AFG2A: variants seen among roughly 807,000 people sequenced by gnomAD.
The protein encoded by AFG2A is AAA ATPase AFG2A.
the AFG2A span, among the ~76,000 whole-genome samples, chr4:123,206,754 T>C: frequency 1.3e-5 from 2 of 152,210 alleles, no homozygotes; most frequent in Non-Finnish European, 2.9e-5. Flanking sequence ...TGAGATACAA[T>C]TTATAAATTC....
chr4:123,310,437 C>T, the AFG2A span, among the ~76,000 whole-genome samples: 1 of 152,222 alleles, frequency 6.6e-6, no homozygotes, highest in Non-Finnish European at 1.5e-5. Context: ...CTTCTCTACT[C>T]ATTTTATTCC....
chr4:123,082,619 C>T, the AFG2A span, among the ~76,000 whole-genome samples: 7 of 146,912 alleles, frequency 4.8e-5, no homozygotes, highest in Admixed American at 1.4e-4. Context: ...CAACTTTGTT[C>T]TTTTCCTTCA....
At chr4:123,095,051 A>ATATATATATG in the AFG2A span, among the ~76,000 whole-genome samples, 1,165 of 54,544 alleles carry the variant, frequency 0.021, 22 homozygotes, top group African/African-American at 0.047. Context: ...AAATATATAT[A>ATATATATATG]TATATATATA....
At chr4:123,180,755 C>T in the AFG2A span, among the ~76,000 whole-genome samples, 1 of 152,100 alleles carries the variant, frequency 6.6e-6, no homozygotes, top group Non-Finnish European at 1.5e-5. Context: ...TTTAACTAAA[C>T]TTTAAAATTA....
the AFG2A span, chr4:122,934,737 T>C: frequency 4.5e-6 from 7 of 1,553,644 alleles, no homozygotes; most frequent in East Asian, 2.2e-5. Flanking sequence ...TCAAGAGTTA[T>C]GGTATGATGT....
the AFG2A span, chr4:123,256,710 G>A: frequency 2.0e-6 from 2 of 985,222 alleles, no homozygotes; most frequent in Non-Finnish European, 1.2e-6. Flanking sequence ...CACAGTAAAA[G>A]GGACCATCTG....
the AFG2A span, among the ~76,000 whole-genome samples, chr4:123,172,992 A>T: frequency 3.3e-5 from 5 of 152,192 alleles, no homozygotes; most frequent in Non-Finnish European, 7.3e-5. Context: ...GAAAGTAAAT[A>T]TGTAAAAATG....
At chr4:123,189,349 G>C in the AFG2A span, among the ~76,000 whole-genome samples, 6 of 152,158 alleles carry the variant, frequency 3.9e-5, no homozygotes, top group Admixed American at 3.9e-4. Context: ...GACCTGGGAT[G>C]TACACCCAGG....
chr4:123,270,661 A>G, the AFG2A span, among the ~76,000 whole-genome samples: 2 of 152,224 alleles, frequency 1.3e-5, no homozygotes, highest in African/African-American at 4.8e-5. Flanking sequence ...TTTAAAAAGA[A>G]AGAGGAATAT....
At chr4:123,092,625 GCA>G in the AFG2A span, among the ~76,000 whole-genome samples, 1 of 152,194 alleles carries the variant, frequency 6.6e-6, no homozygotes, top group African/African-American at 2.4e-5. Flanking sequence ...TAGAATGTGG[GCA>G]CAGCATGACT....
the AFG2A span, among the ~76,000 whole-genome samples, chr4:123,181,649 A>G: frequency 6.6e-6 from 1 of 152,100 alleles, no homozygotes; most frequent in Non-Finnish European, 1.5e-5. Context: ...ATAAAAATGT[A>G]GAAATGATTC....
the AFG2A span, among the ~76,000 whole-genome samples, chr4:123,273,165 C>A: frequency 6.6e-6 from 1 of 152,086 alleles, no homozygotes; most frequent in African/African-American, 2.4e-5. Flanking sequence ...TGATCCTCAA[C>A]TTAAAAGTCT....
At chr4:122,967,261 G>A in the AFG2A span, among the ~76,000 whole-genome samples, 3 of 152,032 alleles carry the variant, frequency 2.0e-5, no homozygotes, top group African/African-American at 7.3e-5. Flanking sequence ...TTAGCCGGTG[G>A]TGGTAGTGTG....
chr4:123,316,154 G>T, the AFG2A span: 2 of 152,126 alleles, frequency 1.3e-5, no homozygotes, highest in African/African-American at 2.4e-5. Context: ...AAAAATATCA[G>T]ATTTTCAAGA....
the AFG2A span, among the ~76,000 whole-genome samples, chr4:123,296,451 A>C: frequency 6.6e-6 from 1 of 152,260 alleles, no homozygotes; most frequent in South Asian, 2.1e-4. Context: ...CATCTGTGAA[A>C]TATACTGACT....
the AFG2A span, among the ~76,000 whole-genome samples, chr4:123,189,253 G>A: frequency 6.6e-6 from 1 of 152,088 alleles, no homozygotes. Flanking sequence ...GCCTTTTATA[G>A]GAACTCTTTT....
the AFG2A span, among the ~76,000 whole-genome samples, chr4:123,205,791 A>G: frequency 2.6e-5 from 4 of 152,062 alleles, no homozygotes; most frequent in African/African-American, 4.8e-5. Context: ...TAATGTCTCA[A>G]TAAGTGTTTT....
chr4:123,091,224 T>C, the AFG2A span, among the ~76,000 whole-genome samples: 1 of 152,190 alleles, frequency 6.6e-6, no homozygotes, highest in Non-Finnish European at 1.5e-5. Context: ...CTACAGTTAT[T>C]CTTGAGAGCT....
At chr4:123,157,014 A>G in the AFG2A span, among the ~76,000 whole-genome samples, 2 of 151,422 alleles carry the variant, frequency 1.3e-5, no homozygotes, top group Admixed American at 1.3e-4. Flanking sequence ...TCTCTCTACA[A>G]GCTTTTTTTT....
Sources: gnomAD v4.1 joint callset for allele counts (sites outside exome capture counted in the v4.1 genomes callset) on GRCh38, gnomAD v4.1.1 for gene constraint, MANE v1.5 for transcripts, NCBI Gene and HGNC (gene_info 2026-07-23, HGNC 2026-07-21) for gene names.